RHPN2: variants seen among roughly 807,000 people sequenced by gnomAD.
The protein encoded by RHPN2 is rhophilin-2.
In RHPN2, 40 loss-of-function variants were observed where a neutral mutation model predicts 79.0. The ratio of observed to expected loss-of-function variants is 0.51; its 90% CI spans 0.39 to 0.66. RHPN2 has a LOEUF of 0.66. RHPN2 is among the 30% of genes least tolerant of loss of function. RHPN2 has a pLI of 0.00. For missense variants in RHPN2, 686 were observed against 883.5 expected (o/e 0.78, Z 2.83); for synonymous variants, 285 against 363.5 (o/e 0.78, Z 2.46).
At chr19:33,050,681 CTTT>C (rs895420469) in intron 1 of RHPN2, among the ~76,000 whole-genome samples, 1 of 151,950 alleles carries the variant, frequency 6.6e-6, no homozygotes, top group Non-Finnish European at 1.5e-5. Context: ...TAGTTTGTTC[CTTT>C]TTTTGTTTTT....
intron 5 of RHPN2, 115 bp from the exon 6 acceptor site, chr19:33,011,918 T>C: frequency 7.5e-7 from 1 of 1,340,028 alleles, no homozygotes; most frequent in Non-Finnish European, 1.1e-6. Flanking sequence ...TGCAGTATGA[T>C]GACCTCGCTA....
At chr19:33,053,958 C>G (rs1013384974) in intron 1 of RHPN2, among the ~76,000 whole-genome samples, 7 of 152,074 alleles carry the variant, frequency 4.6e-5, no homozygotes, top group Non-Finnish European at 8.8e-5. Flanking sequence ...TCCTGGGGCT[C>G]AAGCAATCCT....
chr19:32,985,457 G>A (rs574478043), intron 14 of RHPN2, among the ~76,000 whole-genome samples: 2 of 152,148 alleles, frequency 1.3e-5, no homozygotes, highest in African/African-American at 4.8e-5. Context: ...GCAACACGGT[G>A]AAGCCCCGTC....
chr19:33,053,422 T>A (rs1972205477), intron 1 of RHPN2, among the ~76,000 whole-genome samples: 1 of 139,768 alleles, frequency 7.2e-6, no homozygotes, highest in Admixed American at 7.6e-5. Flanking sequence ...TTTAACAGTT[T>A]TGCTTTTTTT....
rs561025181 is a variant in RHPN2, at chr19:33,043,501, G to A, written c.185+748C>T. Among the ~76,000 whole-genome samples the A allele has an allele frequency of 1.1e-4, 17 of 150,814 alleles. No individual in the cohort carries two copies. The East Asian group carries it at 1.4e-3, about 12-fold the overall frequency. Reference sequence around the variant, plus strand: ...CAGGAGACACAGGTTGCAGTGAGCCGAGATCACGCCACTGCACTCTAGCCT... The same window carrying A: ...CAGGAGACACAGGTTGCAGTGAGCCAAGATCACGCCACTGCACTCTAGCCT... On this transcript the variant is annotated intron_variant, in intron 2 of 14. Coordinates refer to ENST00000254260, the MANE Select transcript of RHPN2 (RefSeq NM_033103.5).
At chr19:33,015,390 A>T (rs1971869444) in intron 4 of RHPN2, among the ~76,000 whole-genome samples, 1 of 152,086 alleles carries the variant, frequency 6.6e-6, no homozygotes, top group African/African-American at 2.4e-5. Context: ...GAGCCATTGC[A>T]CTCCAGCTTG....
intron 1 of RHPN2, among the ~76,000 whole-genome samples, chr19:33,047,143 G>C (rs903854830): frequency 4.6e-5 from 7 of 152,126 alleles, no homozygotes; most frequent in African/African-American, 1.7e-4. Flanking sequence ...TTACAGGTGT[G>C]AGCCACCACA....
At position 33,002,923 on chromosome 19, in the gene RHPN2, C is replaced by T. The variant is rs1342283750; in HGVS notation, c.838G>A (p.Val280Ile). The T allele has an allele frequency of 2.0e-5, 32 of 1,613,814 alleles. No individual in the cohort carries two copies. The highest frequency in any genetic ancestry group is 1.5e-4 in the African/African-American group (11 of 74,906). ...DMSPAMLSVLVKMMLAQAQES... is the reference protein window; with the variant it reads ...DMSPAMLSVLIKMMLAQAQES... ...TGGGCTTGTGCAAGCATCATTTTGA[C>T]GAGCACGCTGAGCATGGCAGGGCTC... Residue 280 changes from valine to isoleucine, a missense_variant, in exon 8 of 15, where the codon GTC becomes ATC. By Grantham distance (29) the Val-to-Ile change is conservative. Transcript: ENST00000254260.
At chr19:33,037,452 TC>T (rs918106779) in intron 2 of RHPN2, among the ~76,000 whole-genome samples, 2 of 152,190 alleles carry the variant, frequency 1.3e-5, no homozygotes, top group Admixed American at 6.5e-5. Context: ...CTGGTCCCTT[TC>T]CACACTGTGG....
chr19:33,017,883 C>T (rs1207988088), intron 4 of RHPN2, among the ~76,000 whole-genome samples: 2 of 151,438 alleles, frequency 1.3e-5, no homozygotes, highest in Non-Finnish European at 2.9e-5. Context: ...TAGCCTGGCA[C>T]GGTGGCTCAT....
chr19:33,004,871 G>GAC (rs568382065), intron 7 of RHPN2, among the ~76,000 whole-genome samples: 315 of 151,964 alleles, frequency 2.1e-3, no homozygotes, highest in South Asian at 3.9e-3. Flanking sequence ...ACAGGCGTGA[G>GAC]CCACCCCACC....
At chr19:33,054,165 G>GT (rs896246357) in intron 1 of RHPN2, among the ~76,000 whole-genome samples, 3 of 140,518 alleles carry the variant, frequency 2.1e-5, no homozygotes, top group Non-Finnish European at 3.1e-5. Flanking sequence ...ATCCAGCCTT[G>GT]TTTTTTTACC....
chr19:33,048,465 C>T (rs185396822), intron 1 of RHPN2, among the ~76,000 whole-genome samples: 2 of 151,498 alleles, frequency 1.3e-5, no homozygotes, highest in East Asian at 2.0e-4. Flanking sequence ...GTAGTTCACG[C>T]CTGTAATCCC....
intron 4 of RHPN2, among the ~76,000 whole-genome samples, chr19:33,015,868 G>A (rs183149953): frequency 6.6e-6 from 1 of 152,060 alleles, no homozygotes; most frequent in Non-Finnish European, 1.5e-5. Flanking sequence ...GGCCAACAAG[G>A]TGAAACCCTG....
chr19:33,001,019 G>A (rs1416895581), intron 9 of RHPN2, among the ~76,000 whole-genome samples: 1 of 152,120 alleles, frequency 6.6e-6, no homozygotes, highest in Admixed American at 6.6e-5. Context: ...ATTGAGCTTT[G>A]CGTACAGGCC....
Position 33,002,793 on chromosome 19 carries a change from C to T in RHPN2, c.948+20G>A. On this transcript the variant is annotated intron_variant, in intron 8 of 14. Transcript: ENST00000254260. The stretch of plus-strand genomic sequence containing the variant: ...ATCTCCTGCCCACTCCCCAAAGTCA[C>T]AGGAACCAGGGAGTCCTACCTTAGC... 3 of 1,613,236 alleles carry T rather than the reference C, an allele frequency of 1.9e-6. No individual in the cohort carries two copies. The highest frequency in any genetic ancestry group is 2.5e-6 in the Non-Finnish European group (3 of 1,179,442).
chr19:33,059,289 TTTTTC>T (rs1284534817), intron 1 of RHPN2, among the ~76,000 whole-genome samples: 2 of 146,102 alleles, frequency 1.4e-5, no homozygotes, highest in Non-Finnish European at 3.0e-5. Context: ...CACTTTTGTT[TTTTTC>T]TTTTATCATT....
intron 2 of RHPN2, among the ~76,000 whole-genome samples, chr19:33,031,874 C>G (rs1271228472): frequency 1.3e-5 from 2 of 151,888 alleles, no homozygotes; most frequent in African/African-American, 4.8e-5. Context: ...CGCCCGCCAC[C>G]ACGCCCGGCT....
intron 1 of RHPN2, 25 bp downstream of exon 1, chr19:33,064,759 C>T: frequency 9.7e-7 from 1 of 1,026,986 alleles, no homozygotes; most frequent in Non-Finnish European, 1.3e-6. Flanking sequence ...CGCAGGTCCC[C>T]GCCCGCCCGC....
Sources: gnomAD v4.1 joint callset for allele counts (sites outside exome capture counted in the v4.1 genomes callset) on GRCh38, gnomAD v4.1.1 for gene constraint, MANE v1.5 for transcripts, NCBI Gene and HGNC (gene_info 2026-07-23, HGNC 2026-07-21) for gene names.